TTC28: variants seen among roughly 807,000 people sequenced by gnomAD.
TTC28 encodes tetratricopeptide repeat protein 28.
TTC28 carries 61 observed loss-of-function variants against 198.0 expected under a neutral mutation model. The observed-to-expected ratio is 0.31, with a 90% CI of 0.25 to 0.38. The LOEUF is 0.38. Among genes scored for constraint, TTC28 ranks in the 10% least tolerant of loss-of-function variants. The pLI, the probability that TTC28 is intolerant of heterozygous loss-of-function variation, is 1.00. For missense variants in TTC28, 2,678 were observed against 3,164.0 expected (o/e 0.85, Z 3.69); for synonymous variants, 1,171 against 1,297.8 (o/e 0.90, Z 2.10).
intron 12 of TTC28, among the ~76,000 whole-genome samples, chr22:28,037,896 C>A (rs185020114): frequency 1.3e-5 from 2 of 152,310 alleles, no homozygotes; most frequent in East Asian, 3.9e-4. Context: ...AGAGCCAAAT[C>A]ATGAGTGAAC....
At chr22:28,213,911 G>A (rs1443225136) in intron 5 of TTC28, among the ~76,000 whole-genome samples, 7 of 152,114 alleles carry the variant, frequency 4.6e-5, no homozygotes, top group African/African-American at 7.2e-5. Flanking sequence ...AAAACAGCAC[G>A]ATACTGGTAC....
rs926633151 is a variant in TTC28, at chr22:28,638,310, T to C, written c.103-8480A>G. Among the ~76,000 whole-genome samples the C allele has an allele frequency of 3.9e-5, 6 of 151,906 alleles. No homozygotes were observed. In the South Asian group the frequency reaches 1.2e-3, roughly 31 times the overall value. ...TATAAAAAAACTTATCCCCTCTATA[T>C]AAAAAATCACAGGTAATTCAAATAA... On this transcript the variant is annotated intron_variant, in intron 1 of 22. Transcript: ENST00000397906.
chr22:28,540,604 C>G (rs1324334214), intron 2 of TTC28, among the ~76,000 whole-genome samples: 4 of 152,064 alleles, frequency 2.6e-5, no homozygotes, highest in Non-Finnish European at 5.9e-5. Flanking sequence ...TGTTTTCATC[C>G]TTGATTTATT....
At chr22:28,103,050 A>G (rs1005859200) in intron 8 of TTC28, among the ~76,000 whole-genome samples, 4 of 152,208 alleles carry the variant, frequency 2.6e-5, no homozygotes, top group African/African-American at 7.2e-5. Flanking sequence ...GCCATGTTCT[A>G]TGAAAACAGG....
chr22:28,053,987 GGAA>G (rs1197642620), intron 12 of TTC28, among the ~76,000 whole-genome samples: 1 of 152,116 alleles, frequency 6.6e-6, no homozygotes, highest in African/African-American at 2.4e-5. Flanking sequence ...GTTAGCTAAA[GGAA>G]GACTTAAATA....
At chr22:28,317,392 GTAGT>G (rs1384516465) in intron 2 of TTC28, among the ~76,000 whole-genome samples, 6 of 152,230 alleles carry the variant, frequency 3.9e-5, no homozygotes, top group Admixed American at 3.3e-4. Flanking sequence ...TAAGAAGAAC[GTAGT>G]TATTGTTTTG....
At chr22:28,240,185 T>C (rs1929566232) in intron 5 of TTC28, among the ~76,000 whole-genome samples, 1 of 152,240 alleles carries the variant, frequency 6.6e-6, no homozygotes, top group African/African-American at 2.4e-5. Flanking sequence ...TAGGAAATAC[T>C]GAATGTGTTA....
At chr22:28,596,012 C>T (rs1192058848) in intron 2 of TTC28, among the ~76,000 whole-genome samples, 1 of 152,110 alleles carries the variant, frequency 6.6e-6, no homozygotes, top group African/African-American at 2.4e-5. Flanking sequence ...CTCATGGAGC[C>T]TGCATTCTAC....
chr22:28,322,254 AG>A (rs1240831050), intron 2 of TTC28, among the ~76,000 whole-genome samples: 1 of 152,142 alleles, frequency 6.6e-6, no homozygotes, highest in Non-Finnish European at 1.5e-5. Flanking sequence ...TTCAAGCCAA[AG>A]GACATTATTT....
At chr22:28,479,982 C>A (rs372375076) in intron 2 of TTC28, among the ~76,000 whole-genome samples, 1 of 152,106 alleles carries the variant, frequency 6.6e-6, no homozygotes, top group African/African-American at 2.4e-5. Flanking sequence ...TAAAGAGATA[C>A]CATTTTTACC....
intron 2 of TTC28, among the ~76,000 whole-genome samples, chr22:28,597,797 G>A (rs995172724): frequency 2.0e-5 from 3 of 152,022 alleles, no homozygotes; most frequent in African/African-American, 4.8e-5. Context: ...TACCTTTTGC[G>A]GGGAGGTGGG....
In TTC28 at chr22:28,377,363, C is replaced by T. The variant is rs1601711953; in HGVS notation, c.382-70720G>A. ...CCCTAGTTGAGATTACAGGCATGAGCCACTGCTTCTGGTGCCTTTTTTTTT... is the reference window on the plus strand; with the variant it reads ...CCCTAGTTGAGATTACAGGCATGAGTCACTGCTTCTGGTGCCTTTTTTTTT... On this transcript the variant is annotated intron_variant, in intron 2 of 22. Transcript: ENST00000397906. 2.0e-5 allele frequency among the ~76,000 whole-genome samples: 3 copies of T among 150,410 alleles called. No homozygotes were observed. The South Asian group carries it at 6.3e-4, about 31-fold the overall frequency.
chr22:28,313,628 T>C (rs576980367), intron 2 of TTC28, among the ~76,000 whole-genome samples: 2 of 152,282 alleles, frequency 1.3e-5, no homozygotes, highest in East Asian at 3.9e-4. Flanking sequence ...ATTATCTCAA[T>C]AGAGGCACGA....
At chr22:28,562,875 C>T (rs2049909606) in intron 2 of TTC28, among the ~76,000 whole-genome samples, 1 of 152,222 alleles carries the variant, frequency 6.6e-6, no homozygotes, top group Non-Finnish European at 1.5e-5. Flanking sequence ...GTAATCCCAG[C>T]ATTTTGGGAG....
At chr22:28,530,434 T>C (rs752622844) in intron 2 of TTC28, among the ~76,000 whole-genome samples, 8 of 152,112 alleles carry the variant, frequency 5.3e-5, no homozygotes, top group African/African-American at 1.2e-4. Context: ...CTACGTCTGA[T>C]TGGTGTACTT....
chr22:28,484,009 T>C (rs1316376857), intron 2 of TTC28, among the ~76,000 whole-genome samples: 3 of 152,228 alleles, frequency 2.0e-5, no homozygotes, highest in South Asian at 2.1e-4. Flanking sequence ...TCCGTAAAGA[T>C]TGATAAAAAT....
chr22:28,622,982 G>T (rs530601661), intron 2 of TTC28, among the ~76,000 whole-genome samples: 2 of 151,560 alleles, frequency 1.3e-5, no homozygotes, highest in Non-Finnish European at 2.9e-5. Flanking sequence ...CCACCACACC[G>T]AGCTAATTTT....
At chr22:28,167,926 C>A (rs1298360548) in intron 5 of TTC28, among the ~76,000 whole-genome samples, 3 of 152,194 alleles carry the variant, frequency 2.0e-5, no homozygotes, top group African/African-American at 7.2e-5. Context: ...AAAACCCCAT[C>A]ATCTCAGCCT....
At chr22:28,644,110 C>T (rs1213692236) in intron 1 of TTC28, among the ~76,000 whole-genome samples, 4 of 152,130 alleles carry the variant, frequency 2.6e-5, no homozygotes, top group African/African-American at 4.8e-5. Flanking sequence ...TATGATAATA[C>T]AGAACTTGGC....
Sources: allele counts gnomAD v4.1 joint callset (sites outside exome capture counted in the v4.1 genomes callset), GRCh38; gene constraint gnomAD v4.1.1; transcripts MANE v1.5; gene names NCBI Gene and HGNC (gene_info 2026-07-23, HGNC 2026-07-21).